Variants in COLEC12 observed in about 807,000 individuals in gnomAD.
The protein encoded by COLEC12 is collectin subfamily member 12, also known as collectin-12.
In COLEC12, 33 loss-of-function variants were observed where a neutral mutation model predicts 71.1. The observed-to-expected ratio is 0.46, with a 90% CI of 0.35 to 0.62. The LOEUF is 0.62. COLEC12 is among the 20% of genes least tolerant of loss of function. The probability of loss-of-function intolerance (pLI) is 0.00; values close to 1 mark genes in which losing one functional copy is unlikely to be tolerated. For synonymous variants in COLEC12, 350 were observed against 353.0 expected (o/e 0.99, Z 0.10); for missense variants, 765 against 916.1 (o/e 0.84, Z 2.13).
chr18:462,528 A>T (rs964433858), intron 2 of COLEC12, among the ~76,000 whole-genome samples: 1 of 152,192 alleles, frequency 6.6e-6, no homozygotes, highest in African/African-American at 2.4e-5. Flanking sequence ...AGGGAGTTGG[A>T]GGGAAATGAA....
chr18:346,698 C>T lies in COLEC12; in HGVS notation c.924G>A (p.Glu308=), dbSNP rs185587556. ...ENITTISQAN[E]QNLKDLQDLH... is the part of the protein sequence containing the mutation. ...AGTCCTGCAGGTCTTTCAGGTTCTG[C>T]TCGTTGGCTTGAGAGATAGTGGTGA... is the stretch of plus-strand genomic sequence containing the variant. The change falls in exon 5 of 10, where the codon GAG becomes GAA. Residue 308 remains glutamate (E), a synonymous_variant. Transcript: ENST00000400256. The surrounding 1 kb of genome is among the most constrained non-coding windows in gnomAD (Gnocchi z 4.0). 16 of 1,614,216 alleles carry T rather than the reference C, an allele frequency of 9.9e-6. 2 individuals carry two copies. The African/African-American group carries it at 1.7e-4, about 17-fold the overall frequency.
chr18:495,945 T>C (rs1233555548), intron 1 of COLEC12, among the ~76,000 whole-genome samples: 1 of 152,210 alleles, frequency 6.6e-6, no homozygotes, highest in East Asian at 1.9e-4. Context: ...ATGCCTGGCA[T>C]GGCAGGTGCT....
chr18:409,982 C>T (rs529926380), intron 2 of COLEC12, among the ~76,000 whole-genome samples: 3 of 152,210 alleles, frequency 2.0e-5, no homozygotes, highest in Non-Finnish European at 4.4e-5. Flanking sequence ...CTTCTAATTA[C>T]TAGCTGTGTG....
intron 1 of COLEC12, among the ~76,000 whole-genome samples, chr18:490,916 CAT>C (rs1315730775): frequency 2.6e-5 from 4 of 152,246 alleles, no homozygotes; most frequent in Non-Finnish European, 5.9e-5. Flanking sequence ...GCGCTGTCTA[CAT>C]ATGAGTACCC....
intron 1 of COLEC12, among the ~76,000 whole-genome samples, chr18:492,039 G>C (rs140337648): frequency 6.6e-6 from 1 of 152,136 alleles, no homozygotes; most frequent in African/African-American, 2.4e-5. Flanking sequence ...TAATTAGATC[G>C]GCCTTCCATT....
chr18:377,086 G>A (rs1463796284), intron 2 of COLEC12, among the ~76,000 whole-genome samples: 1 of 152,216 alleles, frequency 6.6e-6, no homozygotes, highest in Non-Finnish European at 1.5e-5. Flanking sequence ...TCCAAAAGGG[G>A]AGGAAAGGGA....
chr18:383,631 T>C (rs1268413886), intron 2 of COLEC12, among the ~76,000 whole-genome samples: 1 of 152,110 alleles, frequency 6.6e-6, no homozygotes, highest in Non-Finnish European at 1.5e-5. Flanking sequence ...CATTCAACAA[T>C]AGGTTGTAAC....
intron 3 of COLEC12, among the ~76,000 whole-genome samples, chr18:353,742 T>A (rs1914571385): frequency 6.6e-6 from 1 of 152,206 alleles, no homozygotes; most frequent in Admixed American, 6.5e-5. Context: ...AAATACTTCC[T>A]CTCTCTGGGA....
At chr18:387,045 T>C (rs1162153468) in intron 2 of COLEC12, among the ~76,000 whole-genome samples, 3 of 152,196 alleles carry the variant, frequency 2.0e-5, no homozygotes, top group African/African-American at 7.2e-5. Flanking sequence ...CTGTTGTCTA[T>C]GCTTTATATA....
Position 318,124 on chromosome 18 carries a change from C to A in COLEC12, c.*1921G>T, listed in dbSNP as rs1425343748. 1 of 76,190 alleles carries A rather than the reference C, an allele frequency of 1.3e-5. No individual in the cohort carries two copies. The highest frequency in any genetic ancestry group is 3.0e-5 in the Non-Finnish European group (1 of 33,236). 4.7% of individuals were successfully genotyped at this position (76,190 alleles called of 1,614,324 possible). ...CCCGAGTAGCTGGGACTACAGGCGC[C>A]CGCCACCGCGCCCGGCTAATTTTTT... On this transcript the variant is annotated 3_prime_UTR_variant, in exon 10 of 10. Coordinates refer to ENST00000400256, the MANE Select transcript of COLEC12 (RefSeq NM_130386.3).
intron 1 of COLEC12, among the ~76,000 whole-genome samples, chr18:482,856 G>A (rs1052243652): frequency 2.3e-4 from 34 of 150,562 alleles, no homozygotes; most frequent in Admixed American, 3.3e-4. Context: ...CAGGTGATCC[G>A]CCCGCCTCGG....
chr18:331,164 C>T (rs954637576), intron 8 of COLEC12, among the ~76,000 whole-genome samples: 1 of 152,158 alleles, frequency 6.6e-6, no homozygotes, highest in Non-Finnish European at 1.5e-5. Flanking sequence ...GCCGGGATTA[C>T]AGGCGTGAGC....
intron 1 of COLEC12, among the ~76,000 whole-genome samples, chr18:492,208 CAAGTCAAAAGTCAA>C: frequency 6.6e-6 from 1 of 152,114 alleles, no homozygotes; most frequent in East Asian, 1.9e-4. Context: ...ACAGTTTTTT[CAAGTCAAAAGTCAA>C]AATTATAGAC....
intron 2 of COLEC12, among the ~76,000 whole-genome samples, chr18:432,666 C>A (rs1230077573): frequency 6.6e-6 from 1 of 152,114 alleles, no homozygotes; most frequent in Non-Finnish European, 1.5e-5. Flanking sequence ...ATGCACACAC[C>A]TCAATAATCT....
At chr18:487,612 G>C (rs1302447841) in intron 1 of COLEC12, among the ~76,000 whole-genome samples, 1 of 152,154 alleles carries the variant, frequency 6.6e-6, no homozygotes, top group Non-Finnish European at 1.5e-5. Flanking sequence ...ACCGGGAACA[G>C]GAAATGAGAG....
chr18:366,642 A>T (rs967050579), intron 2 of COLEC12, among the ~76,000 whole-genome samples: 1 of 152,172 alleles, frequency 6.6e-6, no homozygotes, highest in Non-Finnish European at 1.5e-5. Context: ...TACTCGGCAC[A>T]TCCTGCGGCT....
At chr18:475,445 A>G (rs1917286284) in intron 2 of COLEC12, among the ~76,000 whole-genome samples, 1 of 152,132 alleles carries the variant, frequency 6.6e-6, no homozygotes, top group Non-Finnish European at 1.5e-5. Flanking sequence ...GATGGCTTCA[A>G]ATCAACACCT....
At chr18:497,783 G>A (rs993975560) in intron 1 of COLEC12, among the ~76,000 whole-genome samples, 1 of 152,176 alleles carries the variant, frequency 6.6e-6, no homozygotes, top group Non-Finnish European at 1.5e-5. Context: ...TCTGAAGCAC[G>A]GGGAGTTAAC....
Position 335,020 on chromosome 18 carries a change from G to A in COLEC12, c.1538C>T (p.Ser513Phe), listed in dbSNP as rs1189453809. 2.5e-6 allele frequency: 4 copies of A among 1,587,654 alleles called. No homozygotes were observed. Among genetic ancestry groups the A allele is most frequent in the Non-Finnish European group, 2.6e-6 (3 of 1,171,602 alleles). The change falls in exon 6 of 10, where the codon TCC becomes TTC. Residue 513 changes from serine (S) to phenylalanine (F), a missense_variant. Transcript: ENST00000400256. Reference sequence around the variant, plus strand: ...GCCCTGAGGGCCGGGCTTCCCAGGGGAACCACGGGAGCCTTTGGGGCCCTG... The same window carrying A: ...GCCCTGAGGGCCGGGCTTCCCAGGGAAACCACGGGAGCCTTTGGGGCCCTG... ...GSQGPKGSRG[S>F]PGKPGPQGSS...
Sources: gnomAD v4.1 joint callset for allele counts (sites outside exome capture counted in the v4.1 genomes callset) on GRCh38, gnomAD v4.1.1 for gene constraint, Gnocchi (gnomAD v3.1) non-coding constraint, MANE v1.5 for transcripts, NCBI Gene and HGNC (gene_info 2026-07-23, HGNC 2026-07-21) for gene names.